The following AGTPBP1 variants were observed in gnomAD, a reference collection of about 807,000 sequenced individuals.
The protein encoded by AGTPBP1 is cytosolic carboxypeptidase 1.
Under a neutral mutation model 143.9 loss-of-function variants are expected in AGTPBP1, and 70 were observed. The observed-to-expected ratio is 0.49, with a 90% CI of 0.40 to 0.59. The LOEUF is 0.59. Among genes scored for constraint, AGTPBP1 ranks in the 20% least tolerant of loss-of-function variants. AGTPBP1 has a pLI of 0.00. For synonymous variants in AGTPBP1, 463 were observed against 500.2 expected, an observed-to-expected ratio of 0.93 and a Z score of 0.99; for missense variants, 1,229 against 1,464.5, an observed-to-expected ratio of 0.84 and a Z score of 2.62.
chr9:85,798,564 C>CA, the AGTPBP1 span, among the ~76,000 whole-genome samples: 1 of 151,906 alleles, frequency 6.6e-6, no homozygotes, highest in African/African-American at 2.4e-5. Context: ...GATGGGGTTT[C>CA]ACCATGTTGG....
chr9:85,677,653 T>G lies in AGTPBP1; in HGVS notation c.290-71A>C, dbSNP rs1834918966. 21 of 1,263,194 alleles carry G rather than the reference T, an allele frequency of 1.7e-5. 1 individual carries two copies. The South Asian group carries it at 3.3e-4, about 20-fold the overall frequency. The allele number at this position is 1,263,194 out of a possible 1,614,324, so 78.2% of individuals were successfully genotyped here. A position where few individuals can be genotyped will look rare whatever the true frequency, so the allele number is the denominator to read the frequency against. On this transcript the variant is annotated intron_variant, in intron 5 of 25. Coordinates refer to ENST00000357081, the MANE Select transcript of AGTPBP1 (RefSeq NM_001330701.2). ...AATTAACAAATTTAAACAAACATAT[T>G]AGGTATCATAACTTGTTAGCATTCA...
chr9:85,677,761 G>C (rs1461090164), intron 5 of AGTPBP1, among the ~76,000 whole-genome samples, 179 bp from the exon 6 acceptor site: 2 of 152,122 alleles, frequency 1.3e-5, no homozygotes, highest in African/African-American at 4.8e-5. Context: ...ACAGCACTTA[G>C]GGAGGCCGAG....
intron 3 of AGTPBP1, among the ~76,000 whole-genome samples, chr9:85,684,241 T>G (rs982407411): frequency 1.3e-5 from 2 of 152,152 alleles, no homozygotes; most frequent in African/African-American, 2.4e-5. Context: ...TGAAGCAAAG[T>G]AATTAGTTAA....
At chr9:85,761,759 C>A in the AGTPBP1 span, among the ~76,000 whole-genome samples, 1,264 of 152,166 alleles carry the variant, frequency 8.3e-3, 18 homozygotes, top group African/African-American at 0.029. Context: ...GCAACAAAAG[C>A]CAAAATTGAC....
intron 25 of AGTPBP1, among the ~76,000 whole-genome samples, chr9:85,555,322 G>A (rs866367986): frequency 6.6e-6 from 1 of 152,270 alleles, no homozygotes; most frequent in South Asian, 2.1e-4. Context: ...ACAGTAGGCC[G>A]GGTGCAGTGG....
chr9:85,736,769 T>C (rs894596444), intron 1 of AGTPBP1, among the ~76,000 whole-genome samples: 5 of 152,222 alleles, frequency 3.3e-5, no homozygotes, highest in Non-Finnish European at 7.3e-5. Flanking sequence ...TTAAAATTAC[T>C]GGCATCTTGG....
intron 25 of AGTPBP1, among the ~76,000 whole-genome samples, chr9:85,552,589 T>C (rs1451194446): frequency 6.6e-6 from 1 of 152,216 alleles, no homozygotes; most frequent in Non-Finnish European, 1.5e-5. Flanking sequence ...AGCACAGGTT[T>C]CTCAGTGTAA....
At chr9:85,665,749 G>A (rs920945810) in intron 8 of AGTPBP1, among the ~76,000 whole-genome samples, 4 of 151,902 alleles carry the variant, frequency 2.6e-5, no homozygotes, top group Non-Finnish European at 5.9e-5. Context: ...TGGAAAGCTG[G>A]GATATGAACC....
chr9:85,672,710 G>T (rs62569207), intron 6 of AGTPBP1, 29 bp from the exon 7 acceptor site: 29,969 of 1,499,462 alleles, frequency 0.02, 365 homozygotes, highest in Middle Eastern at 0.028. Flanking sequence ...GACAATTTAT[G>T]CACATACAAC....
At chr9:85,715,223 G>A (rs533550598) in intron 1 of AGTPBP1, among the ~76,000 whole-genome samples, 3 of 151,584 alleles carry the variant, frequency 2.0e-5, no homozygotes, top group Admixed American at 6.6e-5. Context: ...TCCAGCCCGG[G>A]TGACAGAGCG....
At position 85,741,806 on chromosome 9, in the gene AGTPBP1, G is replaced by A. The variant is rs1330707699; in HGVS notation, c.-65C>T. 2 of 1,372,388 alleles carry A rather than the reference G, an allele frequency of 1.5e-6. No homozygotes were observed. The highest frequency in any genetic ancestry group is 1.9e-6 in the Non-Finnish European group (2 of 1,064,984). The allele number at this position is 1,372,388 out of a possible 1,614,324, so 85.0% of individuals were successfully genotyped here. Reference sequence around the variant, plus strand: ...AGGATGGGGCGCTGGCGGGGACCGCGCAGAGCCGCAGCACCCGGCTCAGCA... The same window carrying A: ...AGGATGGGGCGCTGGCGGGGACCGCACAGAGCCGCAGCACCCGGCTCAGCA... On this transcript the variant is annotated 5_prime_UTR_variant, in exon 1 of 26. Transcript: ENST00000357081.
intron 25 of AGTPBP1, among the ~76,000 whole-genome samples, chr9:85,558,034 T>C (rs1826463592): frequency 2.6e-5 from 4 of 152,224 alleles, no homozygotes; most frequent in Admixed American, 2.6e-4. Flanking sequence ...TTTTTAAAAA[T>C]GTTAAAACAA....
chr9:85,744,073 C>T (rs185595524), upstream of AGTPBP1, among the ~76,000 whole-genome samples: 88 of 152,040 alleles, frequency 5.8e-4, no homozygotes, highest in African/African-American at 1.8e-3. Flanking sequence ...GGACTACAGG[C>T]ACACGTCACC....
At chr9:85,781,373 C>T in the AGTPBP1 span, 2 of 1,535,800 alleles carry the variant, frequency 1.3e-6, no homozygotes, top group Non-Finnish European at 1.7e-6. Flanking sequence ...GAGTGTAAGA[C>T]TTTTAGTGTT....
Position 85,713,535 on chromosome 9 carries a change from AAAAC to A in AGTPBP1, c.-33-973_-33-970del, listed in dbSNP as rs541873512. On this transcript the variant is annotated intron_variant, in intron 1 of 25. Transcript: ENST00000357081. ...GACAAGAGCGAAACTCCATCTCAAAAAAACAAACAAACAAACAAACAAAAAACCA... is the reference window on the plus strand; with the variant it reads ...GACAAGAGCGAAACTCCATCTCAAAAAAACAAACAAACAAACAAAAAACCA... Among the ~76,000 whole-genome samples the A allele has an allele frequency of 4.8e-4, 73 of 152,332 alleles. 1 individual carries two copies. Among genetic ancestry groups the A allele is most frequent in the African/African-American group, 1.3e-3 (55 of 41,586 alleles).
intron 25 of AGTPBP1, among the ~76,000 whole-genome samples, chr9:85,560,081 C>A (rs1008936519): frequency 9.9e-5 from 15 of 152,028 alleles, no homozygotes; most frequent in Admixed American, 2.6e-4. Flanking sequence ...CTCCAGCCCA[C>A]CAGTATCAAA....
At chr9:85,722,468 T>G (rs137966856) in intron 1 of AGTPBP1, among the ~76,000 whole-genome samples, 3 of 152,366 alleles carry the variant, frequency 2.0e-5, no homozygotes, top group Admixed American at 2.0e-4. Flanking sequence ...GAATCAGCTA[T>G]TGAAGCTTGT....
At chr9:85,628,408 C>T (rs890005029) in intron 14 of AGTPBP1, among the ~76,000 whole-genome samples, 6 of 152,082 alleles carry the variant, frequency 3.9e-5, no homozygotes, top group African/African-American at 1.2e-4. Flanking sequence ...ACAGGGTATA[C>T]AAATCAGTCA....
At chr9:85,761,466 A>G in the AGTPBP1 span, among the ~76,000 whole-genome samples, 1 of 152,158 alleles carries the variant, frequency 6.6e-6, no homozygotes, top group African/African-American at 2.4e-5. Context: ...CAGAAATAAT[A>G]CCACACATCT....
Sources: gnomAD v4.1 joint callset for allele counts (sites outside exome capture counted in the v4.1 genomes callset) on GRCh38, gnomAD v4.1.1 for gene constraint, MANE v1.5 for transcripts, NCBI Gene and HGNC (gene_info 2026-07-23, HGNC 2026-07-21) for gene names.